CYP2C19: variants seen among roughly 807,000 people sequenced by gnomAD.
CYP2C19 encodes cytochrome P450 2C19.
Under a neutral mutation model 40.9 loss-of-function variants are expected in CYP2C19, and 59 were observed. The observed-to-expected ratio is 1.44, with a 90% CI of 1.17 to 1.79. The LOEUF is 1.79. Among genes scored for constraint, CYP2C19 ranks in the 40% most tolerant of loss-of-function variants. The pLI is 0.00. For missense variants in CYP2C19, 754 were observed against 596.9 expected, an observed-to-expected ratio of 1.26 and a Z score of -2.74; for synonymous variants, 253 against 208.7, an observed-to-expected ratio of 1.21 and a Z score of -1.83.
At chr10:94,816,746 A>T (rs1238522691) in intron 5 of CYP2C19, among the ~76,000 whole-genome samples, 1 of 125,070 alleles carries the variant, frequency 8.0e-6, no homozygotes, top group African/African-American at 3.1e-5. Flanking sequence ...ACCCCACATC[A>T]GTCCCCAGAG....
In CYP2C19 at chr10:94,764,872, A is replaced by G. The variant is rs76155692; in HGVS notation, c.168+1999A>G. ...GAAAGGGGAGAAGCCATGTTGCCTA[A>G]CTCCAGAGGTTGGTATGAGTTTGAA... On this transcript the variant is annotated intron_variant, in intron 1 of 8. Transcript: ENST00000371321. Among the ~76,000 whole-genome samples, 4 of 152,190 alleles carry G rather than the reference A, an allele frequency of 2.6e-5. No individual in the cohort carries two copies. The East Asian group carries it at 7.7e-4, about 29-fold the overall frequency.
intron 6 of CYP2C19, 81 bp downstream of exon 6, chr10:94,820,718 C>G (rs1016542774): frequency 6.5e-7 from 1 of 1,549,712 alleles, no homozygotes; most frequent in Admixed American, 1.7e-5. Context: ...TTCTGTTTCT[C>G]TTAGAGAAGT....
chr10:94,836,764 G>A (rs903187941), intron 6 of CYP2C19, among the ~76,000 whole-genome samples: 1 of 152,176 alleles, frequency 6.6e-6, no homozygotes, highest in African/African-American at 2.4e-5. Flanking sequence ...CCTTTGGTTT[G>A]GAAATCTTGT....
rs375606029 is a variant in CYP2C19, at chr10:94,848,149, G to T, written c.1150-1768G>T. Among the ~76,000 whole-genome samples, 5 of 152,238 alleles carry T rather than the reference G, an allele frequency of 3.3e-5. No homozygotes were observed. In the East Asian group the frequency reaches 9.6e-4, roughly 29 times the overall value. On this transcript the variant is annotated intron_variant, in intron 7 of 8. Transcript: ENST00000371321. ...TTGGTGTTTTAGACATGAAGTCCTT[G>T]CCCATGCCTATGTCCTGAGTGGTAT...
chr10:94,819,992 TA>T (rs1358877869), intron 5 of CYP2C19, among the ~76,000 whole-genome samples: 1 of 146,076 alleles, frequency 6.8e-6, no homozygotes, highest in Non-Finnish European at 1.5e-5. Context: ...AAATCCTCAA[TA>T]AAATACTGGC....
intron 6 of CYP2C19, among the ~76,000 whole-genome samples, chr10:94,835,170 G>A (rs572818851): frequency 6.6e-6 from 1 of 152,140 alleles, no homozygotes; most frequent in East Asian, 1.9e-4. Flanking sequence ...TAACAAGGAG[G>A]TTAAAGATAC....
At chr10:94,808,535 T>A (rs569809657) in intron 5 of CYP2C19, among the ~76,000 whole-genome samples, 2 of 152,284 alleles carry the variant, frequency 1.3e-5, no homozygotes, top group African/African-American at 4.8e-5. Context: ...TATTCATTAA[T>A]TATAACTATT....
chr10:94,833,619 T>TA (rs1302455534), intron 6 of CYP2C19, among the ~76,000 whole-genome samples: 3 of 152,192 alleles, frequency 2.0e-5, no homozygotes, highest in African/African-American at 7.2e-5. Context: ...TATGCAGCCA[T>TA]AAAAAATGAT....
In CYP2C19 at chr10:94,816,579, C is replaced by CT. The variant is rs199878684; in HGVS notation, c.820-3906dup. ...AACATAAGGAAAATGTAGTCTCTTT[C>CT]TTTTTTTTTTTATTATACTTTAAGT... On this transcript the variant is annotated intron_variant, in intron 5 of 8. Coordinates refer to ENST00000371321, the MANE Select transcript of CYP2C19 (RefSeq NM_000769.4). Among the ~76,000 whole-genome samples the CT allele has an allele frequency of 5.0e-3, 726 of 145,226 alleles. 2 individuals are homozygous for CT. Among genetic ancestry groups the CT allele is most frequent in the East Asian group, 0.011 (54 of 4,980 alleles).
intron 3 of CYP2C19, 125 bp downstream of exon 3, chr10:94,775,664 G>A (rs1271044569): frequency 2.6e-6 from 4 of 1,546,834 alleles, no homozygotes; most frequent in Non-Finnish European, 3.6e-6. Context: ...CTCATGTGAA[G>A]CAGGGTTTGA....
intron 5 of CYP2C19, among the ~76,000 whole-genome samples, chr10:94,803,414 C>T (rs572088374): frequency 7.9e-5 from 12 of 152,290 alleles, no homozygotes; most frequent in Admixed American, 3.3e-4. Flanking sequence ...CAAAAGCCAG[C>T]TGCAGCTAGC....
intron 6 of CYP2C19, among the ~76,000 whole-genome samples, chr10:94,837,672 A>G (rs1849425520): frequency 6.6e-6 from 1 of 152,134 alleles, no homozygotes; most frequent in African/African-American, 2.4e-5. Flanking sequence ...GTTGTCCGAG[A>G]CAGGAGAGTA....
chr10:94,841,517 C>A (rs752116799), intron 6 of CYP2C19, among the ~76,000 whole-genome samples: 25 of 152,182 alleles, frequency 1.6e-4, no homozygotes, highest in Non-Finnish European at 2.6e-4. Flanking sequence ...GGGAGGGGAC[C>A]CAAAGGGGGT....
intron 5 of CYP2C19, among the ~76,000 whole-genome samples, chr10:94,818,897 G>A (rs1482370383): frequency 6.6e-6 from 1 of 152,050 alleles, no homozygotes. Context: ...TCTCCTGCCT[G>A]ATTGCCCTGG....
intron 6 of CYP2C19, 47 bp downstream of exon 6, chr10:94,820,684 G>T (rs765348232): frequency 6.2e-7 from 1 of 1,610,792 alleles, no homozygotes; most frequent in Middle Eastern, 1.7e-4. Flanking sequence ...AAAGATGTTG[G>T]GAAGGTGCTG....
At chr10:94,829,498 A>T (rs978287241) in intron 6 of CYP2C19, among the ~76,000 whole-genome samples, 2 of 152,130 alleles carry the variant, frequency 1.3e-5, no homozygotes, top group Non-Finnish European at 2.9e-5. Context: ...CTTGGTTTTC[A>T]GCTCCATAAG....
At chr10:94,829,175 G>A (rs1400190586) in intron 6 of CYP2C19, among the ~76,000 whole-genome samples, 1 of 152,068 alleles carries the variant, frequency 6.6e-6, no homozygotes, top group East Asian at 1.9e-4. Flanking sequence ...TATCTTTGTG[G>A]CGTTCTCTGT....
At chr10:94,833,402 T>C (rs116239273) in intron 6 of CYP2C19, among the ~76,000 whole-genome samples, 32 of 152,322 alleles carry the variant, frequency 2.1e-4, no homozygotes, top group African/African-American at 7.7e-4. Context: ...GTCTGTCATA[T>C]AGCTTTTTTT....
chr10:94,793,769 T>C (rs1255220560), intron 5 of CYP2C19, among the ~76,000 whole-genome samples: 1 of 152,148 alleles, frequency 6.6e-6, no homozygotes, highest in African/African-American at 2.4e-5. Flanking sequence ...AGTCGGCCCC[T>C]ACTAGGAGGT....
Sources: gnomAD v4.1 joint callset for allele counts (sites outside exome capture counted in the v4.1 genomes callset) on GRCh38, gnomAD v4.1.1 for gene constraint, MANE v1.5 for transcripts, NCBI Gene and HGNC (gene_info 2026-07-23, HGNC 2026-07-21) for gene names.